The following MAGI2 variants were observed in gnomAD, a reference collection of about 807,000 sequenced individuals.
MAGI2 encodes membrane associated guanylate kinase, WW and PDZ domain containing 2.
In MAGI2, 35 loss-of-function variants were observed where a neutral mutation model predicts 133.3. The ratio of observed to expected loss-of-function variants is 0.26; its 90% confidence interval spans 0.20 to 0.35. The LOEUF is 0.35. Among genes scored for constraint, MAGI2 ranks in the 10% least tolerant of loss-of-function variants. MAGI2 has a pLI of 1.00. For synonymous variants in MAGI2, 729 were observed against 710.6 expected, an observed-to-expected ratio of 1.03 and a Z score of -0.41; for missense variants, 1,636 against 1,863.4, an observed-to-expected ratio of 0.88 and a Z score of 2.25.
At chr7:78,097,426 T>C (rs555113604) in intron 20 of MAGI2, among the ~76,000 whole-genome samples, 2 of 152,212 alleles carry the variant, frequency 1.3e-5, no homozygotes, top group African/African-American at 2.4e-5. Context: ...ATGCCCATCA[T>C]TGACAGATGT....
intron 6 of MAGI2, among the ~76,000 whole-genome samples, chr7:78,418,672 T>C (rs576865676): frequency 1.3e-5 from 2 of 152,276 alleles, no homozygotes; most frequent in South Asian, 2.1e-4. Flanking sequence ...GATAGTGCTA[T>C]GAAAACCAAT....
At chr7:78,207,037 A>G (rs1787171166) in intron 10 of MAGI2, among the ~76,000 whole-genome samples, 1 of 152,208 alleles carries the variant, frequency 6.6e-6, no homozygotes, top group South Asian at 2.1e-4. Flanking sequence ...TTTTACCACA[A>G]TTAAATTTTT....
At chr7:78,367,959 CT>C (rs1562896914) in intron 7 of MAGI2, among the ~76,000 whole-genome samples, 4 of 152,076 alleles carry the variant, frequency 2.6e-5, no homozygotes, top group Admixed American at 2.0e-4. Flanking sequence ...ATTTATCTTA[CT>C]TTTTTTGTAT....
chr7:79,401,589 G>A (rs1174589723), intron 1 of MAGI2, among the ~76,000 whole-genome samples: 2 of 152,064 alleles, frequency 1.3e-5, no homozygotes, highest in Non-Finnish European at 1.5e-5. Context: ...AGGGATAAAA[G>A]TCCAAACTTA....
At chr7:78,021,005 C>A (rs981858558) in intron 21 of MAGI2, among the ~76,000 whole-genome samples, 7 of 152,076 alleles carry the variant, frequency 4.6e-5, no homozygotes, top group African/African-American at 1.7e-4. Context: ...AGACAATTGA[C>A]AACATCAAAA....
chr7:78,743,327 T>C (rs1469887830), intron 2 of MAGI2, among the ~76,000 whole-genome samples: 1 of 152,202 alleles, frequency 6.6e-6, no homozygotes, highest in African/African-American at 2.4e-5. Context: ...CTTTGTAATC[T>C]GTGAAGCACT....
chr7:78,089,607 T>C (rs1337269287), intron 20 of MAGI2, among the ~76,000 whole-genome samples: 2 of 152,224 alleles, frequency 1.3e-5, no homozygotes, highest in Non-Finnish European at 2.9e-5. Context: ...TATACCATTA[T>C]AGAAAGAGGA....
intron 1 of MAGI2, among the ~76,000 whole-genome samples, chr7:79,199,768 T>C (rs1274016273): frequency 2.0e-5 from 3 of 151,946 alleles, no homozygotes; most frequent in Non-Finnish European, 4.4e-5. Context: ...CAGAAGTAGA[T>C]GTCCTTGGCA....
intron 3 of MAGI2, among the ~76,000 whole-genome samples, chr7:78,530,473 G>C (rs530760329): frequency 6.6e-6 from 1 of 152,314 alleles, no homozygotes; most frequent in South Asian, 2.1e-4. Context: ...GCATGGACTT[G>C]TGTGAAGACA....
rs560832807 is a variant in MAGI2 at position 79,225,512 on chromosome 7, T to A, written c.302-218306A>T. Among the ~76,000 whole-genome samples the A allele has an allele frequency of 9.1e-4, 138 of 152,296 alleles. No homozygotes were observed. In the Middle Eastern group the frequency reaches 0.01, roughly 11 times the overall value. ...TCTTTTAAAAGATTTACAAGCAAAA[T>A]TATTGCATGGTTCTATATTTGACAT... On this transcript the variant is annotated intron_variant, in intron 1 of 21. Transcript: ENST00000354212.
In MAGI2 at chr7:78,305,181, G is replaced by A. The variant is rs149942159; in HGVS notation, c.1408+38597C>T. On this transcript the variant is annotated intron_variant, in intron 9 of 21. Coordinates refer to ENST00000354212, the MANE Select transcript of MAGI2 (RefSeq NM_012301.4). ...TTCGGAACCCCTTAACATGCCCCACGTGTTTTGCCTTTCTTGTCTGATTTT... is the reference window on the plus strand; with the variant it reads ...TTCGGAACCCCTTAACATGCCCCACATGTTTTGCCTTTCTTGTCTGATTTT... 8.2e-3 allele frequency among the ~76,000 whole-genome samples: 1,249 copies of A among 152,204 alleles called. 15 individuals carry two copies. Among genetic ancestry groups the A allele is most frequent in the African/African-American group, 0.028 (1,158 of 41,530 alleles).
intron 2 of MAGI2, among the ~76,000 whole-genome samples, chr7:78,807,675 A>T (rs1233406133): frequency 6.6e-6 from 1 of 152,072 alleles, no homozygotes; most frequent in Non-Finnish European, 1.5e-5. Context: ...CACTGAGGGT[A>T]CTCCTGGAGC....
rs190457007 is a variant in MAGI2 at position 78,939,151 on chromosome 7, G to A, written c.418+67939C>T. Reference sequence around the variant, plus strand: ...TGGAACCACAGGCACCTGCCACCACGCCTGGCTAATGTTTGTATTTTTAGT... The same window carrying A: ...TGGAACCACAGGCACCTGCCACCACACCTGGCTAATGTTTGTATTTTTAGT... On this transcript the variant is annotated intron_variant, in intron 2 of 21. Coordinates refer to ENST00000354212, the MANE Select transcript of MAGI2 (RefSeq NM_012301.4). Among the ~76,000 whole-genome samples, 5 of 152,108 alleles carry A rather than the reference G, an allele frequency of 3.3e-5. No homozygotes were observed. In the East Asian group the frequency reaches 5.8e-4, roughly 18 times the overall value.
At position 78,484,013 on chromosome 7, in the gene MAGI2, A is replaced by T. The variant is rs561814963; in HGVS notation, c.1045+5748T>A. ...ACTGAAAGGTAAAATTAATTTGGTC[A>T]TACTTAATCTTCTTGAGAAATTAGG... On this transcript the variant is annotated intron_variant, in intron 6 of 21. Transcript: ENST00000354212. 3.3e-5 allele frequency: 5 copies of T among 152,094 alleles called. No individual in the cohort carries two copies. In the South Asian group the frequency reaches 1.0e-3, roughly 32 times the overall value. 9.4% of individuals were successfully genotyped at this position (152,094 alleles called of 1,614,324 possible).
At chr7:79,452,350 C>A (rs924157715) in intron 1 of MAGI2, among the ~76,000 whole-genome samples, 3 of 152,180 alleles carry the variant, frequency 2.0e-5, no homozygotes, top group African/African-American at 7.2e-5. Context: ...TTAGTCAGTA[C>A]GCACGTGACG....
chr7:78,020,460 C>T (rs1009813080), intron 21 of MAGI2, among the ~76,000 whole-genome samples: 1 of 152,208 alleles, frequency 6.6e-6, no homozygotes, highest in Admixed American at 6.5e-5. Context: ...TTATCAGGCA[C>T]CCATTCTGAA....
At chr7:79,332,357 A>T (rs1840146168) in intron 1 of MAGI2, among the ~76,000 whole-genome samples, 1 of 152,232 alleles carries the variant, frequency 6.6e-6, no homozygotes, top group Non-Finnish European at 1.5e-5. Context: ...CAATAATCCA[A>T]ACTATTTCCT....
At chr7:78,895,614 C>A (rs1797152129) in intron 2 of MAGI2, among the ~76,000 whole-genome samples, 2 of 152,014 alleles carry the variant, frequency 1.3e-5, no homozygotes, top group Non-Finnish European at 2.9e-5. Context: ...GACAGTTTAT[C>A]AGTTCTAGGG....
chr7:78,950,141 T>C (rs560431958), intron 2 of MAGI2, among the ~76,000 whole-genome samples: 12 of 152,292 alleles, frequency 7.9e-5, no homozygotes, highest in Non-Finnish European at 1.5e-4. Flanking sequence ...TTCAGGCTGA[T>C]GATTCTCCTG....
Sources: allele counts gnomAD v4.1 joint callset (sites outside exome capture counted in the v4.1 genomes callset), GRCh38; gene constraint gnomAD v4.1.1; transcripts MANE v1.5; gene names NCBI Gene and HGNC (gene_info 2026-07-23, HGNC 2026-07-21).